The following PTPN11 variants were observed in gnomAD, a reference collection of about 807,000 sequenced individuals.
PTPN11 encodes tyrosine-protein phosphatase non-receptor type 11.
A neutral mutation model predicts 78.8 loss-of-function variants in PTPN11; 6 were observed. The observed-to-expected ratio is 0.08, with a 90% CI of 0.04 to 0.15. PTPN11 has a LOEUF of 0.15. PTPN11 is among the 10% of genes least tolerant of loss of function. The pLI is 1.00. For missense variants in PTPN11, 386 were observed against 744.8 expected, an observed-to-expected ratio of 0.52 and a Z score of 5.61; for synonymous variants, 221 against 263.5, an observed-to-expected ratio of 0.84 and a Z score of 1.56.
intron 13 of PTPN11, among the ~76,000 whole-genome samples, chr12:112,495,432 T>G (rs537759733): frequency 6.6e-6 from 1 of 152,320 alleles, no homozygotes; most frequent in Admixed American, 6.5e-5. Flanking sequence ...TTTAATCTTA[T>G]GTTTTCTCAT....
intron 1 of PTPN11, among the ~76,000 whole-genome samples, chr12:112,441,893 C>A (rs2037896754): frequency 6.6e-6 from 1 of 151,736 alleles, no homozygotes; most frequent in Non-Finnish European, 1.5e-5. Context: ...TCTCCTGCCT[C>A]AGCCTCCCGA....
Position 112,509,482 on chromosome 12 carries a change from T to A in PTPN11, c.*3690T>A, listed in dbSNP as rs957043821. The A allele has an allele frequency of 3.3e-5, 5 of 152,664 alleles. No individual in the cohort carries two copies. Among genetic ancestry groups the A allele is most frequent in the African/African-American group, 1.2e-4 (5 of 41,466 alleles). The allele number at this position is 152,664 out of a possible 1,614,324, so 9.5% of individuals were successfully genotyped here. ...GGAAAAGGATCCCTGATTAAGCTGA[T>A]GACTAGACCTACAATTAATTTTCCT... On this transcript the variant is annotated 3_prime_UTR_variant, in exon 16 of 16. Coordinates refer to ENST00000351677, the MANE Select transcript of PTPN11 (RefSeq NM_002834.5).
Position 112,482,345 on chromosome 12 carries a change from C to G in PTPN11, c.1224+140C>G, listed in dbSNP as rs1220794082. On this transcript the variant is annotated intron_variant, in intron 10 of 15. Transcript: ENST00000351677. The surrounding 1 kb of genome is among the most constrained non-coding windows in gnomAD (Gnocchi z 4.4). ...TCAGTAGCCATTTATTAGCTTCCTT[C>G]TATGTGCCAGGTACAGTTTAAGCAG... 1.0e-6 allele frequency: 1 copy of G among 1,000,908 alleles called. No individual in the cohort carries two copies. The highest frequency in any genetic ancestry group is 2.5e-5 in the East Asian group (1 of 39,280). 62.0% of individuals were successfully genotyped at this position (1,000,908 alleles called of 1,614,324 possible). A position where few individuals can be genotyped will look rare whatever the true frequency, so the allele number is the denominator to read the frequency against.
At chr12:112,424,859 C>G (rs1243879271) in intron 1 of PTPN11, among the ~76,000 whole-genome samples, 1 of 146,762 alleles carries the variant, frequency 6.8e-6, no homozygotes, top group Non-Finnish European at 1.5e-5. Context: ...GCCACCATGT[C>G]AGGCTAATTG....
chr12:112,498,337 C>A (rs2038836819), intron 13 of PTPN11, among the ~76,000 whole-genome samples: 1 of 152,082 alleles, frequency 6.6e-6, no homozygotes, highest in Non-Finnish European at 1.5e-5. Context: ...GAAGTAAAAC[C>A]AGCAAAATTT....
chr12:112,498,888 T>G (rs1230652184), intron 13 of PTPN11, among the ~76,000 whole-genome samples: 1 of 152,242 alleles, frequency 6.6e-6, no homozygotes, highest in Non-Finnish European at 1.5e-5. Flanking sequence ...GCTAAAAAGT[T>G]TCAACATTTT....
intron 1 of PTPN11, among the ~76,000 whole-genome samples, chr12:112,441,068 G>A (rs1021765293): frequency 1.3e-5 from 2 of 150,062 alleles, no homozygotes; most frequent in African/African-American, 4.9e-5. Context: ...GGGTTCAAGC[G>A]ATTCTTCTGC....
chr12:112,500,027 T>G (rs1430020388), intron 13 of PTPN11, among the ~76,000 whole-genome samples: 1 of 151,406 alleles, frequency 6.6e-6, no homozygotes, highest in African/African-American at 2.4e-5. Flanking sequence ...GTGGATCACT[T>G]GAGGCCAGGA....
intron 9 of PTPN11, among the ~76,000 whole-genome samples, chr12:112,478,959 C>T (rs148198545): frequency 6.6e-6 from 1 of 152,174 alleles, no homozygotes; most frequent in Non-Finnish European, 1.5e-5. Flanking sequence ...TTTTGGAACC[C>T]CTGAGCTTAG....
intron 7 of PTPN11, among the ~76,000 whole-genome samples, chr12:112,476,500 G>A (rs1365080527): frequency 6.6e-6 from 1 of 152,124 alleles, no homozygotes; most frequent in Non-Finnish European, 1.5e-5. Context: ...TGGGTGCGGT[G>A]GCTCACAACT....
chr12:112,457,215 C>T, intron 6 of PTPN11: 2 of 396,796 alleles, frequency 5.0e-6, no homozygotes, highest in South Asian at 3.5e-5. Flanking sequence ...TTGCCCCCAT[C>T]CCCAGACAGT....
chr12:112,488,997 T>G (rs764540891), intron 12 of PTPN11, 27 bp from the exon 13 acceptor site: 15 of 1,612,318 alleles, frequency 9.3e-6, no homozygotes, highest in Non-Finnish European at 1.3e-5. Flanking sequence ...CAGTTTCTCT[T>G]TATTCTTCAT....
chr12:112,488,567 A>G (rs2135915390), intron 12 of PTPN11, 57 bp downstream of exon 12: 1 of 1,511,226 alleles, frequency 6.6e-7, no homozygotes, highest in Non-Finnish European at 9.2e-7. Flanking sequence ...ATGGAAGGAA[A>G]GTGCTCACGA....
chr12:112,485,197 T>C (rs1271577191), intron 10 of PTPN11, among the ~76,000 whole-genome samples: 5 of 151,944 alleles, frequency 3.3e-5, no homozygotes, highest in Non-Finnish European at 7.4e-5. Context: ...TAGGTTGCAG[T>C]GAGCTGTGAT....
intron 6 of PTPN11, among the ~76,000 whole-genome samples, chr12:112,458,750 A>T (rs2038202032): frequency 6.6e-6 from 1 of 152,200 alleles, no homozygotes; most frequent in Non-Finnish European, 1.5e-5. Flanking sequence ...AAGTGATGAT[A>T]GGCTGGGGCG....
intron 1 of PTPN11, among the ~76,000 whole-genome samples, chr12:112,423,193 T>C (rs1406148257): frequency 3.3e-5 from 5 of 152,170 alleles, no homozygotes; most frequent in African/African-American, 7.2e-5. Flanking sequence ...AAAAATACTA[T>C]CCATGTTCGC....
intron 13 of PTPN11, among the ~76,000 whole-genome samples, chr12:112,501,253 T>A (rs2038870967): frequency 6.6e-6 from 1 of 152,174 alleles, no homozygotes; most frequent in Non-Finnish European, 1.5e-5. Context: ...ACTCCACATC[T>A]GAGATGAGAC....
intron 6 of PTPN11, among the ~76,000 whole-genome samples, chr12:112,459,333 A>G (rs573374942): frequency 1.3e-5 from 2 of 152,180 alleles, no homozygotes; most frequent in Non-Finnish European, 2.9e-5. Flanking sequence ...TTATAGCAGT[A>G]TACCTGACAC....
At chr12:112,434,058 A>G (rs899364472) in intron 1 of PTPN11, among the ~76,000 whole-genome samples, 1 of 152,136 alleles carries the variant, frequency 6.6e-6, no homozygotes, top group Non-Finnish European at 1.5e-5. Context: ...GCACTTTGGG[A>G]GGCTGAGGCC....
Sources: gnomAD v4.1 joint callset for allele counts (sites outside exome capture counted in the v4.1 genomes callset) on GRCh38, gnomAD v4.1.1 for gene constraint, Gnocchi (gnomAD v3.1) non-coding constraint, MANE v1.5 for transcripts, NCBI Gene and HGNC (gene_info 2026-07-23, HGNC 2026-07-21) for gene names.